LPP: variants seen among roughly 807,000 people sequenced by gnomAD.
LPP encodes the protein lipoma-preferred partner.
Under a neutral mutation model 60.4 loss-of-function variants are expected in LPP, and 38 were observed. That is an observed-to-expected ratio of 0.63 (90% CI 0.49 to 0.83). The LOEUF (loss-of-function observed/expected upper bound fraction) is 0.83. Among genes scored for constraint, LPP ranks in the 40% least tolerant of loss-of-function variants. The probability of loss-of-function intolerance (pLI) is 0.00; values close to 1 mark genes in which losing one functional copy is unlikely to be tolerated. For synonymous variants in LPP, 328 were observed against 290.8 expected (o/e 1.13, Z -1.30); for missense variants, 902 against 783.6 (o/e 1.15, Z -1.80).
chr3:188,582,965 G>A (rs903403632), intron 6 of LPP, among the ~76,000 whole-genome samples: 2 of 152,058 alleles, frequency 1.3e-5, no homozygotes, highest in African/African-American at 2.4e-5. Flanking sequence ...TCCCCCTAAC[G>A]GGTTTCCTTG....
At chr3:188,311,810 T>C (rs1753550493) in intron 2 of LPP, among the ~76,000 whole-genome samples, 2 of 152,104 alleles carry the variant, frequency 1.3e-5, no homozygotes, top group South Asian at 4.1e-4. Context: ...GGCTAATTTT[T>C]GTATTTTTAG....
intron 6 of LPP, among the ~76,000 whole-genome samples, chr3:188,579,281 CT>C (rs1239855438): frequency 6.7e-6 from 1 of 148,180 alleles, no homozygotes; most frequent in Non-Finnish European, 1.5e-5. Flanking sequence ...TTTTAAAACT[CT>C]CTTACTCAAC....
At chr3:188,261,900 G>GA (rs975522478) in intron 2 of LPP, among the ~76,000 whole-genome samples, 6 of 152,210 alleles carry the variant, frequency 3.9e-5, no homozygotes, top group Non-Finnish European at 8.8e-5. Context: ...TTGGGTCACA[G>GA]AGTGCAACTC....
chr3:188,835,555 G>A (rs1422081408), intron 9 of LPP, among the ~76,000 whole-genome samples: 1 of 152,026 alleles, frequency 6.6e-6, no homozygotes, highest in Non-Finnish European at 1.5e-5. Context: ...GGAGGTGGAG[G>A]TTACAGTGAG....
At chr3:188,676,256 A>C (rs1858061219) in intron 7 of LPP, among the ~76,000 whole-genome samples, 1 of 152,214 alleles carries the variant, frequency 6.6e-6, no homozygotes, top group South Asian at 2.1e-4. Flanking sequence ...TAAAATACTG[A>C]AACAGCTACA....
intron 6 of LPP, among the ~76,000 whole-genome samples, chr3:188,591,577 A>C (rs1838713149): frequency 6.6e-6 from 1 of 152,138 alleles, no homozygotes; most frequent in Non-Finnish European, 1.5e-5. Context: ...CAAACTCTCT[A>C]TTCCTAGTTA....
intron 1 of LPP, among the ~76,000 whole-genome samples, chr3:188,175,157 G>A (rs532319427): frequency 1.3e-5 from 2 of 152,166 alleles, no homozygotes; most frequent in East Asian, 3.9e-4. Flanking sequence ...TGGGTTCTTG[G>A]CTCACTGCAA....
At chr3:188,185,789 C>T (rs1726424504) in intron 1 of LPP, among the ~76,000 whole-genome samples, 1 of 152,168 alleles carries the variant, frequency 6.6e-6, no homozygotes, top group Admixed American at 6.5e-5. Context: ...AATTGTTGAC[C>T]TAATGTTATG....
intron 8 of LPP, among the ~76,000 whole-genome samples, chr3:188,754,636 T>C (rs1050785786): frequency 6.6e-6 from 1 of 152,118 alleles, no homozygotes; most frequent in Non-Finnish European, 1.5e-5. Flanking sequence ...TCAGAATCTT[T>C]GGAGTTGGGA....
chr3:188,692,889 C>T (rs1049644652), intron 7 of LPP, among the ~76,000 whole-genome samples: 7 of 152,198 alleles, frequency 4.6e-5, no homozygotes, highest in African/African-American at 7.2e-5. Flanking sequence ...TGAGTTCATA[C>T]GTTCAGCATT....
chr3:188,271,756 G>A lies in LPP; in HGVS notation c.-67+46229G>A, dbSNP rs139321931. On this transcript the variant is annotated intron_variant, in intron 2 of 11. Coordinates refer to ENST00000617246, the MANE Select transcript of LPP (RefSeq NM_001375462.1). ...GTCCTCTTCCCTTTCTCTTCTGAAAGGATGACGTTAGTTTCTCAGCTGAAA... is the reference window on the plus strand; with the variant it reads ...GTCCTCTTCCCTTTCTCTTCTGAAAAGATGACGTTAGTTTCTCAGCTGAAA... Among the ~76,000 whole-genome samples the A allele has an allele frequency of 3.5e-3, 535 of 152,302 alleles. 1 individual carries two copies. The highest frequency in any genetic ancestry group is 0.012 in the African/African-American group (516 of 41,566).
chr3:188,707,740 G>A (rs1374628737), intron 7 of LPP, among the ~76,000 whole-genome samples: 1 of 152,106 alleles, frequency 6.6e-6, no homozygotes, highest in Non-Finnish European at 1.5e-5. Flanking sequence ...TTTTTCACCT[G>A]AGTGTGAGAA....
chr3:188,785,438 C>CAT lies in LPP; in HGVS notation c.1410+25167_1410+25168dup, dbSNP rs1181562689. Among the ~76,000 whole-genome samples the CAT allele has an allele frequency of 9.2e-5, 2 of 21,742 alleles. 1 individual carries two copies. The highest frequency in any genetic ancestry group is 6.3e-3 in the South Asian group (2 of 320). 14.3% of individuals were successfully genotyped at this position (21,742 alleles called of 152,430 possible). A position where few individuals can be genotyped will look rare whatever the true frequency, so the allele number is the denominator to read the frequency against. On this transcript the variant is annotated intron_variant, in intron 9 of 11. Transcript: ENST00000617246. ...ATATTCCATCATATATATATTCCAT[C>CAT]ATATATATATATTCCATCATATATA...
At chr3:188,495,134 T>C (rs1389906766) in intron 5 of LPP, among the ~76,000 whole-genome samples, 3 of 134,250 alleles carry the variant, frequency 2.2e-5, no homozygotes, top group African/African-American at 8.1e-5. Flanking sequence ...TATATTTTAT[T>C]ATATATTTAT....
chr3:188,672,215 T>C (rs149205477), intron 7 of LPP, among the ~76,000 whole-genome samples: 2 of 152,322 alleles, frequency 1.3e-5, no homozygotes, highest in African/African-American at 4.8e-5. Context: ...TCTTTCTTGA[T>C]ACTAAGGCAG....
chr3:188,262,997 T>C (rs932584137), intron 2 of LPP, among the ~76,000 whole-genome samples: 2 of 152,086 alleles, frequency 1.3e-5, no homozygotes, highest in East Asian at 1.9e-4. Context: ...TTTTTTTTTC[T>C]GTGTCCTTTA....
intron 6 of LPP, among the ~76,000 whole-genome samples, chr3:188,593,260 C>T (rs920691958): frequency 6.6e-6 from 1 of 151,338 alleles, no homozygotes; most frequent in African/African-American, 2.4e-5. Context: ...TCCTTTATTT[C>T]TATAATTCCA....
At chr3:188,363,119 G>A (rs59033387) in intron 3 of LPP, among the ~76,000 whole-genome samples, 1 of 151,894 alleles carries the variant, frequency 6.6e-6, no homozygotes, top group African/African-American at 2.4e-5. Flanking sequence ...GTTTTGCACA[G>A]AATCAAGAGG....
chr3:188,631,534 T>C (rs1446120423), intron 7 of LPP, among the ~76,000 whole-genome samples: 1 of 152,200 alleles, frequency 6.6e-6, no homozygotes, highest in Non-Finnish European at 1.5e-5. Context: ...AGTATCTCCA[T>C]TTGCATCATC....
Sources: gnomAD v4.1 joint callset for allele counts (sites outside exome capture counted in the v4.1 genomes callset) on GRCh38, gnomAD v4.1.1 for gene constraint, MANE v1.5 for transcripts, NCBI Gene and HGNC (gene_info 2026-07-23, HGNC 2026-07-21) for gene names.